The following NOL10 variants were observed in gnomAD, a reference collection of about 807,000 sequenced individuals.
The protein encoded by NOL10 is nucleolar protein 10.
In NOL10, 58 loss-of-function variants were observed where a neutral mutation model predicts 103.5. The ratio of observed to expected loss-of-function variants is 0.56; its 90% CI spans 0.45 to 0.70. The LOEUF is 0.70. Among genes scored for constraint, NOL10 ranks in the 30% least tolerant of loss-of-function variants. NOL10 has a pLI of 0.00. For synonymous variants in NOL10, 287 were observed against 282.5 expected, an observed-to-expected ratio of 1.02 and a Z score of -0.16; for missense variants, 763 against 807.3, an observed-to-expected ratio of 0.95 and a Z score of 0.67.
chr2:10,577,706 G>C lies in NOL10; in HGVS notation c.1877C>G (p.Ala626Gly). 2.5e-6 allele frequency: 4 copies of C among 1,610,940 alleles called. No individual in the cohort carries two copies. The highest frequency in any genetic ancestry group is 1.1e-5 in the South Asian group (1 of 90,364). ...KTLEDRLKIE[A>G]KNGTLSVSDT... The stretch of plus-strand genomic sequence containing the variant: ...GGATACACTCAATGTCCCATTTTTT[G>C]CTTCAATTTTCAAACGATCTTCAAG... The change falls in exon 20 of 21, where the codon GCA becomes GGA. Residue 626 changes from alanine (A) to glycine (G), a missense_variant. By Grantham distance (60) the Ala-to-Gly change is moderately conservative. Transcript: ENST00000381685.
chr2:10,619,402 C>T (rs186972658), intron 13 of NOL10, among the ~76,000 whole-genome samples: 50 of 152,310 alleles, frequency 3.3e-4, no homozygotes, highest in African/African-American at 1.2e-3. Context: ...GATCCTCCCA[C>T]CTTGGCCTAC....
At chr2:10,581,316 T>C (rs1185628330) in intron 19 of NOL10, among the ~76,000 whole-genome samples, 1 of 152,128 alleles carries the variant, frequency 6.6e-6, no homozygotes, top group South Asian at 2.1e-4. Flanking sequence ...CTACTAGGAA[T>C]ACGCTTTAAA....
At chr2:10,685,184 A>G (rs1682066140) in intron 1 of NOL10, among the ~76,000 whole-genome samples, 1 of 152,210 alleles carries the variant, frequency 6.6e-6, no homozygotes, top group Non-Finnish European at 1.5e-5. Context: ...TTATAGAAAT[A>G]TATTTTTTAC....
intron 4 of NOL10, 62 bp from the exon 5 acceptor site, chr2:10,673,619 C>T: frequency 9.0e-7 from 1 of 1,105,434 alleles, no homozygotes; most frequent in Admixed American, 2.2e-5. Flanking sequence ...ACAACGCAAA[C>T]CTGATGCAAA....
intron 6 of NOL10, among the ~76,000 whole-genome samples, chr2:10,669,563 A>G (rs1680796235): frequency 6.7e-6 from 1 of 149,868 alleles, no homozygotes; most frequent in South Asian, 2.1e-4. Context: ...CCACCAGTCA[A>G]ATACCTGGTC....
Position 10,660,561 on chromosome 2 carries a change from G to T in NOL10, c.678-1311C>A, listed in dbSNP as rs888304556. Among the ~76,000 whole-genome samples the T allele has an allele frequency of 6.1e-4, 93 of 152,172 alleles. 1 individual carries two copies. The highest frequency in any genetic ancestry group is 6.0e-3 in the Admixed American group (92 of 15,264). ...TTGAACTCCTGATCTCAAGTGATCT[G>T]CCTGCCTTGGCCTCCCAAAGTGCTG... is the stretch of plus-strand genomic sequence containing the variant. On this transcript the variant is annotated intron_variant, in intron 9 of 20. Coordinates refer to ENST00000381685, the MANE Select transcript of NOL10 (RefSeq NM_024894.4).
intron 13 of NOL10, among the ~76,000 whole-genome samples, chr2:10,635,052 T>C (rs1678109290): frequency 1.3e-5 from 2 of 152,228 alleles, no homozygotes; most frequent in South Asian, 4.1e-4. Context: ...TTGGAACATT[T>C]GTATAAAAAT....
In NOL10 at chr2:10,606,531, C is replaced by A. The variant is rs1368811945; in HGVS notation, c.1153+654G>T. 2.7e-5 allele frequency among the ~76,000 whole-genome samples: 4 copies of A among 148,482 alleles called. No homozygotes were observed. The Admixed American group carries it at 2.8e-4, about 10-fold the overall frequency. ...GTTGAGGTAGGAGAATGACTTTAGC[C>A]TAGGAAGCGGAGGTTGCAATCAGAC... is the stretch of plus-strand genomic sequence containing the variant. On this transcript the variant is annotated intron_variant, in intron 14 of 20. Transcript: ENST00000381685.
At chr2:10,585,554 C>A (rs1435675589) in intron 19 of NOL10, among the ~76,000 whole-genome samples, 1 of 152,134 alleles carries the variant, frequency 6.6e-6, no homozygotes, top group Admixed American at 6.5e-5. Context: ...CATTAACTGA[C>A]GAAGGGATAT....
intron 4 of NOL10, among the ~76,000 whole-genome samples, chr2:10,674,244 A>C (rs1438414709): frequency 6.6e-6 from 1 of 151,770 alleles, no homozygotes; most frequent in Non-Finnish European, 1.5e-5. Context: ...AAAAAAAAAC[A>C]ACAAAGGGTG....
intron 13 of NOL10, among the ~76,000 whole-genome samples, chr2:10,617,364 G>T (rs769842671): frequency 6.6e-6 from 1 of 152,182 alleles, no homozygotes; most frequent in East Asian, 1.9e-4. Context: ...GACTGGTTCC[G>T]GGCATTGAAG....
At chr2:10,593,750 G>T (rs1446985336) in intron 17 of NOL10, among the ~76,000 whole-genome samples, 1 of 152,188 alleles carries the variant, frequency 6.6e-6, no homozygotes, top group Non-Finnish European at 1.5e-5. Context: ...AGCAAGAGAG[G>T]TGTGCTGGCC....
chr2:10,641,245 A>T (rs190304170), intron 13 of NOL10, among the ~76,000 whole-genome samples: 2 of 152,006 alleles, frequency 1.3e-5, no homozygotes, highest in African/African-American at 2.4e-5. Flanking sequence ...CAGGAGGCTG[A>T]GGCAGAAGAA....
At chr2:10,670,769 C>A (rs1680881137) in intron 6 of NOL10, among the ~76,000 whole-genome samples, 1 of 151,938 alleles carries the variant, frequency 6.6e-6, no homozygotes, top group South Asian at 2.1e-4. Flanking sequence ...ACAAAAAAAA[C>A]AGAAAAAACA....
intron 10 of NOL10, among the ~76,000 whole-genome samples, 185 bp from the exon 11 acceptor site, chr2:10,658,076 T>C (rs1052305316): frequency 1.3e-5 from 2 of 152,214 alleles, no homozygotes; most frequent in Non-Finnish European, 2.9e-5. Flanking sequence ...CCTTAGAGTA[T>C]ACATTTTATG....
intron 13 of NOL10, among the ~76,000 whole-genome samples, chr2:10,636,069 G>A (rs1678187196): frequency 6.6e-6 from 1 of 151,924 alleles, no homozygotes; most frequent in Non-Finnish European, 1.5e-5. Flanking sequence ...TTGTATTTTA[G>A]TAGAGACAGG....
At chr2:10,667,908 C>A (rs561626878) in intron 7 of NOL10, among the ~76,000 whole-genome samples, 7 of 152,010 alleles carry the variant, frequency 4.6e-5, no homozygotes, top group Non-Finnish European at 1.0e-4. Flanking sequence ...CTTATCACAA[C>A]ATGTTCACCT....
At chr2:10,657,027 T>C (rs1042801763) in intron 11 of NOL10, among the ~76,000 whole-genome samples, 9 of 152,148 alleles carry the variant, frequency 5.9e-5, no homozygotes, top group Admixed American at 1.3e-4. Flanking sequence ...TTAAGAAATA[T>C]AGCTTTTAAG....
At chr2:10,647,644 A>T (rs1414059729) in intron 12 of NOL10, among the ~76,000 whole-genome samples, 2 of 152,322 alleles carry the variant, frequency 1.3e-5, no homozygotes, top group East Asian at 3.9e-4. Flanking sequence ...CTGTGCACGC[A>T]GAACTGTGCC....
Sources: gnomAD v4.1 joint callset for allele counts (sites outside exome capture counted in the v4.1 genomes callset) on GRCh38, gnomAD v4.1.1 for gene constraint, MANE v1.5 for transcripts, NCBI Gene and HGNC (gene_info 2026-07-23, HGNC 2026-07-21) for gene names.